The following SLC2A9 variants were observed in gnomAD, a reference collection of about 807,000 sequenced individuals.
SLC2A9 encodes solute carrier family 2, facilitated glucose transporter member 9.
SLC2A9 carries 39 observed loss-of-function variants against 50.6 expected under a neutral mutation model. The observed-to-expected ratio is 0.77, with a 90% CI of 0.60 to 1.01. The LOEUF (loss-of-function observed/expected upper bound fraction) is 1.01, where lower values mean the gene tolerates loss of function less well. Among genes scored for constraint, SLC2A9 ranks in the 50% least tolerant of loss-of-function variants. SLC2A9 has a pLI of 0.00. For missense variants in SLC2A9, 686 were observed against 677.6 expected, an observed-to-expected ratio of 1.01 and a Z score of -0.14; for synonymous variants, 324 against 276.9, an observed-to-expected ratio of 1.17 and a Z score of -1.69.
At chr4:9,913,357 C>CAG (rs1356744863) in intron 7 of SLC2A9, among the ~76,000 whole-genome samples, 15 of 116,904 alleles carry the variant, frequency 1.3e-4, no homozygotes, top group African/African-American at 4.8e-4. Flanking sequence ...GAGAGAGAGA[C>CAG]AGAGAGAGAG....
In SLC2A9 at chr4:9,826,421, A is replaced by G. The variant is rs146590565; in HGVS notation, c.1599T>C (p.Asp533=). The G allele has an allele frequency of 2.1e-4, 335 of 1,614,084 alleles. No individual in the cohort carries two copies. The African/African-American group carries it at 3.7e-3, about 18-fold the overall frequency. Residue 533 remains aspartate (D), a synonymous_variant, in exon 12 of 12, where the codon GAT becomes GAC. Transcript: ENST00000264784. ...PEEKIDSAVT[D]GKINGRP is the part of the protein sequence containing the mutation. ...GTTAAGGCCTTCCATTTATCTTACCATCAGTGACAGCTGAGTCGATTTTCT... is the reference window on the plus strand; with the variant it reads ...GTTAAGGCCTTCCATTTATCTTACCGTCAGTGACAGCTGAGTCGATTTTCT...
intron 3 of SLC2A9, among the ~76,000 whole-genome samples, chr4:9,800,934 C>G (rs1381337965): frequency 6.6e-6 from 1 of 152,166 alleles, no homozygotes; most frequent in East Asian, 1.9e-4. Context: ...TCCTAGTACA[C>G]TCATGCAGTC....
chr4:9,810,933 C>A lies in SLC2A9; in HGVS notation n.421-11692G>T, dbSNP rs545789656. ...TATGATGAACAGAGCCTGTTTTGAACCACACTAGCGATAGTTGTGTCTTCC... is the reference window on the plus strand; with the variant it reads ...TATGATGAACAGAGCCTGTTTTGAAACACACTAGCGATAGTTGTGTCTTCC... On this transcript the variant is annotated intron_variant and non_coding_transcript_variant, in intron 3 of 3. Coordinates refer to the SLC2A9 transcript ENST00000503280. Among the ~76,000 whole-genome samples, 3 of 152,334 alleles carry A rather than the reference C, an allele frequency of 2.0e-5. No homozygotes were observed. In the East Asian group the frequency reaches 5.8e-4, roughly 29 times the overall value.
chr4:9,951,041 A>C (rs1377645441), intron 5 of SLC2A9, among the ~76,000 whole-genome samples: 2 of 152,208 alleles, frequency 1.3e-5, no homozygotes, highest in African/African-American at 4.8e-5. Flanking sequence ...ACCTGTACTC[A>C]CATGTTTATT....
chr4:9,962,664 CAT>C (rs1467853677), intron 5 of SLC2A9, among the ~76,000 whole-genome samples: 12 of 152,100 alleles, frequency 7.9e-5, no homozygotes, highest in East Asian at 1.9e-4. Flanking sequence ...CACCATGACA[CAT>C]GTTTACCCGT....
chr4:9,785,666 C>T (rs146546936), intron 3 of SLC2A9, among the ~76,000 whole-genome samples: 3,020 of 152,298 alleles, frequency 0.02, 48 homozygotes, highest in East Asian at 0.11. Context: ...ATATCACTCA[C>T]CATTCATTAT....
At position 9,908,337 on chromosome 4, in the gene SLC2A9, GA is replaced by G. The variant is rs540525608; in HGVS notation, c.1010del (p.Phe337SerfsTer22). 6.2e-7 allele frequency: 1 copy of G among 1,604,388 alleles called. No homozygotes were observed. Among genetic ancestry groups the G allele is most frequent in the Non-Finnish European group, 8.5e-7 (1 of 1,170,950 alleles). On this transcript the variant is annotated frameshift_variant, in exon 8 of 12. Coordinates refer to ENST00000264784, the MANE Select transcript of SLC2A9 (RefSeq NM_020041.3). LOFTEE classifies it high-confidence loss of function. Reference sequence around the variant, plus strand: ...CTTTTCCAAAGATGCTGTTGGTATAGAACCAAATCTGTAATTCAGGAAAGAA... The same window carrying G: ...CTTTTCCAAAGATGCTGTTGGTATAGACCAAATCTGTAATTCAGGAAAGAA... Reference protein sequence around the residue: ...YQLCGLNAIWFYTNSIFGKAG... With the variant: ...YQLCGLNAIWXYTNSIFGKAG...
At chr4:9,972,679 A>G (rs1163192418) in intron 5 of SLC2A9, among the ~76,000 whole-genome samples, 1 of 152,242 alleles carries the variant, frequency 6.6e-6, no homozygotes, top group Admixed American at 6.5e-5. Context: ...AAATTAAATG[A>G]CCTGCTCCTG....
chr4:9,917,169 A>G (rs1479583999), intron 7 of SLC2A9, among the ~76,000 whole-genome samples: 2 of 152,168 alleles, frequency 1.3e-5, no homozygotes, highest in African/African-American at 4.8e-5. Flanking sequence ...AGCTGCCTAA[A>G]ATAAGTCACT....
intron 10 of SLC2A9, among the ~76,000 whole-genome samples, chr4:9,836,036 G>A (rs12643688): frequency 2.2e-5 from 3 of 135,256 alleles, no homozygotes; most frequent in Non-Finnish European, 4.6e-5. Context: ...GCAGTGAGCC[G>A]AGATCAAGCA....
intron 8 of SLC2A9, among the ~76,000 whole-genome samples, chr4:9,902,911 T>TA (rs774782243): frequency 7.9e-5 from 12 of 152,296 alleles, no homozygotes; most frequent in Non-Finnish European, 1.5e-4. Context: ...ATAGTGAACA[T>TA]TTATTGAGTA....
rs1718833592 is a variant in SLC2A9 at position 9,783,657 on chromosome 4, C to T, written n.386-3592G>A. ...TTGGCAGAAGCAGTTGCAATAAACT[C>T]AGTCAAATGTACCCAGCCTACCAGA... On this transcript the variant is annotated intron_variant and non_coding_transcript_variant, in intron 3 of 3. Coordinates refer to the SLC2A9 transcript ENST00000503803. 4 of 611,942 alleles carry T rather than the reference C, an allele frequency of 6.5e-6. No homozygotes were observed. The East Asian group carries it at 1.1e-4, about 17-fold the overall frequency. 37.9% of individuals were successfully genotyped at this position (611,942 alleles called of 1,614,324 possible).
chr4:9,957,633 G>A (rs1008544085), intron 5 of SLC2A9, among the ~76,000 whole-genome samples: 3 of 152,028 alleles, frequency 2.0e-5, no homozygotes, highest in African/African-American at 7.3e-5. Flanking sequence ...ACAAGAACAG[G>A]ACTCCATGTA....
chr4:9,917,325 CTTTT>C (rs55927201), intron 7 of SLC2A9, among the ~76,000 whole-genome samples: 136 of 81,788 alleles, frequency 1.7e-3, no homozygotes, highest in Middle Eastern at 0.026. Context: ...TTCTTTTTTC[CTTTT>C]TTTTTTTTTT....
intron 2 of SLC2A9, among the ~76,000 whole-genome samples, chr4:10,004,796 G>T (rs1266935132): frequency 6.6e-6 from 1 of 152,190 alleles, no homozygotes; most frequent in Non-Finnish European, 1.5e-5. Context: ...AGTCATGAAG[G>T]CTTGGAGATA....
At chr4:9,877,549 G>A (rs147668886) in intron 10 of SLC2A9, among the ~76,000 whole-genome samples, 2 of 152,208 alleles carry the variant, frequency 1.3e-5, no homozygotes, top group Non-Finnish European at 2.9e-5. Flanking sequence ...ACACACATGG[G>A]TTCCTTCTTT....
At chr4:9,932,819 A>G (rs1746380751) in intron 6 of SLC2A9, among the ~76,000 whole-genome samples, 2 of 152,220 alleles carry the variant, frequency 1.3e-5, no homozygotes, top group South Asian at 4.1e-4. Context: ...CTTACTCCCT[A>G]TAAATGATAT....
intron 2 of SLC2A9, among the ~76,000 whole-genome samples, chr4:10,014,608 G>A (rs1560491256): frequency 6.6e-6 from 1 of 152,122 alleles, no homozygotes; most frequent in African/African-American, 2.4e-5. Flanking sequence ...AGAAAGCCTT[G>A]AGCTCTCTCT....
At chr4:9,953,084 G>A (rs7376948) in intron 5 of SLC2A9, among the ~76,000 whole-genome samples, 71,886 of 152,050 alleles carry the variant, frequency 0.47, 18,148 homozygotes, top group African/African-American at 0.64. Flanking sequence ...TGATTCACAA[G>A]TTCTGTGACT....
Sources: allele counts gnomAD v4.1 joint callset (sites outside exome capture counted in the v4.1 genomes callset), GRCh38; gene constraint gnomAD v4.1.1; transcripts MANE v1.5; gene names NCBI Gene and HGNC (gene_info 2026-07-23, HGNC 2026-07-21).